The following TMTC2 variants were observed in gnomAD, a reference collection of about 807,000 sequenced individuals.
TMTC2 encodes the protein protein O-mannosyl-transferase TMTC2.
Under a neutral mutation model 82.4 loss-of-function variants are expected in TMTC2, and 43 were observed. The observed-to-expected ratio is 0.52, with a 90% CI of 0.41 to 0.67. The LOEUF (loss-of-function observed/expected upper bound fraction) is 0.67. Among genes scored for constraint, TMTC2 ranks in the 30% least tolerant of loss-of-function variants. The pLI, the probability that TMTC2 is intolerant of heterozygous loss-of-function variation, is 0.00. For missense variants in TMTC2, 919 were observed against 1,012.4 expected (o/e 0.91, Z 1.25); for synonymous variants, 408 against 381.9 (o/e 1.07, Z -0.80).
intron 11 of TMTC2, among the ~76,000 whole-genome samples, chr12:83,103,449 G>T (rs370698180): frequency 1.3e-5 from 2 of 152,224 alleles, no homozygotes; most frequent in African/African-American, 4.8e-5. Context: ...AGGCCTCAAG[G>T]CGCTTTTTCG....
intron 7 of TMTC2, among the ~76,000 whole-genome samples, chr12:82,983,784 A>T (rs1879033856): frequency 6.6e-6 from 1 of 152,030 alleles, no homozygotes; most frequent in African/African-American, 2.4e-5. Flanking sequence ...ATCTGGCTTT[A>T]TAATCCGTTT....
At chr12:82,911,634 G>T (rs992683051) in intron 3 of TMTC2, among the ~76,000 whole-genome samples, 1 of 151,720 alleles carries the variant, frequency 6.6e-6, no homozygotes, top group Non-Finnish European at 1.5e-5. Flanking sequence ...ATGGCGTCTT[G>T]CTCTGTTGCC....
intron 1 of TMTC2, among the ~76,000 whole-genome samples, chr12:82,832,986 C>G (rs1024614019): frequency 1.3e-5 from 2 of 152,146 alleles, no homozygotes; most frequent in Non-Finnish European, 2.9e-5. Context: ...TAGTACTACC[C>G]CAGTTCTATC....
At chr12:82,893,684 C>T (rs1873513199) in intron 2 of TMTC2, among the ~76,000 whole-genome samples, 1 of 151,826 alleles carries the variant, frequency 6.6e-6, no homozygotes, top group Non-Finnish European at 1.5e-5. Context: ...CTCAGAATTA[C>T]CCCCTTTTAG....
At chr12:82,857,620 A>G (rs1280457956) in intron 2 of TMTC2, 40 bp downstream of exon 2, 4 of 1,529,518 alleles carry the variant, frequency 2.6e-6, no homozygotes, top group Non-Finnish European at 3.5e-6. Context: ...ATTACTGAGT[A>G]ATCTACTTGC....
At chr12:82,999,536 A>T (rs181384665) in intron 8 of TMTC2, among the ~76,000 whole-genome samples, 1 of 146,962 alleles carries the variant, frequency 6.8e-6, no homozygotes, top group African/African-American at 2.7e-5. Context: ...TAATGGACTT[A>T]TAGTTCCACA....
chr12:83,017,385 A>G (rs989597383), intron 8 of TMTC2, among the ~76,000 whole-genome samples: 14 of 152,342 alleles, frequency 9.2e-5, no homozygotes, highest in Middle Eastern at 3.4e-3. Context: ...AGTTTCAGGC[A>G]AACCAGAATT....
chr12:82,757,501 G>A (rs1876403722), intron 1 of TMTC2, among the ~76,000 whole-genome samples: 1 of 152,092 alleles, frequency 6.6e-6, no homozygotes, highest in Admixed American at 6.5e-5. Flanking sequence ...AGCAATCTGA[G>A]GCTTTATATA....
At chr12:82,773,024 T>C (rs1384778065) in intron 1 of TMTC2, among the ~76,000 whole-genome samples, 2 of 152,234 alleles carry the variant, frequency 1.3e-5, no homozygotes, top group Non-Finnish European at 2.9e-5. Flanking sequence ...TAGTTTGGTA[T>C]TGTCATGAAT....
chr12:83,010,047 C>A (rs1384104619), intron 8 of TMTC2, among the ~76,000 whole-genome samples: 1 of 152,136 alleles, frequency 6.6e-6, no homozygotes, highest in African/African-American at 2.4e-5. Flanking sequence ...CTCATTCACA[C>A]ACCACTCACC....
At chr12:83,123,323 A>G (rs897263291) in intron 11 of TMTC2, among the ~76,000 whole-genome samples, 1 of 152,222 alleles carries the variant, frequency 6.6e-6, no homozygotes, top group Admixed American at 6.5e-5. Flanking sequence ...TCAAAAGCAC[A>G]AATACTGTGT....
chr12:83,007,156 ATTTTTCTATTG>A (rs1398796367), intron 8 of TMTC2, among the ~76,000 whole-genome samples: 2 of 150,936 alleles, frequency 1.3e-5, no homozygotes, highest in East Asian at 3.9e-4. Context: ...TGTTGTTGTT[ATTTTTCTATTG>A]TTTTTCTATT....
At chr12:82,998,915 G>T (rs1378198648) in intron 8 of TMTC2, among the ~76,000 whole-genome samples, 3 of 152,012 alleles carry the variant, frequency 2.0e-5, no homozygotes, top group Non-Finnish European at 2.9e-5. Flanking sequence ...ATTTATTTTA[G>T]AATAGTTTGA....
chr12:83,077,880 C>CT (rs751044763), intron 11 of TMTC2, among the ~76,000 whole-genome samples: 21,139 of 92,748 alleles, frequency 0.23, 2,358 homozygotes, highest in East Asian at 0.29. Context: ...GACAATCTGT[C>CT]TTTTTTTTTT....
intron 4 of TMTC2, among the ~76,000 whole-genome samples, chr12:82,964,518 C>T (rs1463645343): frequency 1.3e-5 from 2 of 152,032 alleles, no homozygotes; most frequent in Non-Finnish European, 1.5e-5. Flanking sequence ...TCTTTTTTGG[C>T]GTCTGATTAA....
chr12:83,009,989 T>A (rs944891772), intron 8 of TMTC2, among the ~76,000 whole-genome samples: 1 of 152,136 alleles, frequency 6.6e-6, no homozygotes, highest in Non-Finnish European at 1.5e-5. Context: ...GGAGCTCAAG[T>A]AGTAATGTGA....
At chr12:82,803,748 C>T (rs367821099) in intron 1 of TMTC2, among the ~76,000 whole-genome samples, 3 of 152,000 alleles carry the variant, frequency 2.0e-5, no homozygotes, top group East Asian at 3.9e-4. Context: ...GAAAGGATCA[C>T]GGTAAAAGGG....
chr12:83,095,366 A>G (rs978576379), intron 11 of TMTC2, among the ~76,000 whole-genome samples: 34 of 151,326 alleles, frequency 2.2e-4, no homozygotes, highest in African/African-American at 6.8e-4. Flanking sequence ...TCAGCCTCCC[A>G]AGTAGCTGGG....
chr12:83,078,472 A>G (rs1482470913), intron 11 of TMTC2, among the ~76,000 whole-genome samples: 2 of 152,204 alleles, frequency 1.3e-5, no homozygotes. Flanking sequence ...AGAACCGAGA[A>G]GACTGACATC....
Sources: gnomAD v4.1 joint callset for allele counts (sites outside exome capture counted in the v4.1 genomes callset) on GRCh38, gnomAD v4.1.1 for gene constraint, MANE v1.5 for transcripts, NCBI Gene and HGNC (gene_info 2026-07-23, HGNC 2026-07-21) for gene names.